The following XKR6 variants were observed in gnomAD, a reference collection of about 807,000 sequenced individuals.
The protein encoded by XKR6 is XK-related protein 6.
In XKR6, 22 loss-of-function variants were observed where a neutral mutation model predicts 56.7. The ratio of observed to expected loss-of-function variants is 0.39; its 90% CI spans 0.28 to 0.55. The LOEUF (loss-of-function observed/expected upper bound fraction) is 0.55. Ranked by LOEUF, XKR6 falls within the 20% of genes least tolerant of loss-of-function variation. The probability of loss-of-function intolerance (pLI) is 0.66; values close to 1 mark genes in which losing one functional copy is unlikely to be tolerated. For missense variants in XKR6, 852 were observed against 889.0 expected (o/e 0.96, Z 0.53); for synonymous variants, 524 against 387.8 (o/e 1.35, Z -4.13).
intron 1 of XKR6, among the ~76,000 whole-genome samples, chr8:10,960,913 A>G (rs1366023855): frequency 1.3e-5 from 2 of 152,174 alleles, no homozygotes; most frequent in African/African-American, 4.8e-5. Flanking sequence ...GTAAACAAAC[A>G]ATAAGAGCCA....
At chr8:11,140,198 C>T (rs1159454550) in intron 1 of XKR6, among the ~76,000 whole-genome samples, 1 of 150,992 alleles carries the variant, frequency 6.6e-6, no homozygotes, top group Non-Finnish European at 1.5e-5. Context: ...CAAAGAATAC[C>T]TGAAACAGAT....
chr8:11,190,335 C>T (rs1310345136), intron 1 of XKR6, among the ~76,000 whole-genome samples: 3 of 152,002 alleles, frequency 2.0e-5, no homozygotes, highest in Non-Finnish European at 4.4e-5. Flanking sequence ...GATACAACTG[C>T]TGTTCTCAAT....
chr8:11,191,390 C>T lies in XKR6; in HGVS notation c.764+9186G>A, dbSNP rs113980323. 1.3e-3 allele frequency among the ~76,000 whole-genome samples: 196 copies of T among 152,208 alleles called. 1 individual carries two copies. The highest frequency in any genetic ancestry group is 3.7e-3 in the African/African-American group (154 of 41,524). On this transcript the variant is annotated intron_variant, in intron 1 of 2. Coordinates refer to ENST00000416569, the MANE Select transcript of XKR6 (RefSeq NM_173683.4). ...ACATATGACCCCACAAGTTACCTAC[C>T]GATTGCCAAGGGAAAAACTACCTTT... is the stretch of plus-strand genomic sequence containing the variant.
chr8:11,011,694 GA>G (rs1798503198), intron 1 of XKR6, among the ~76,000 whole-genome samples: 1 of 152,216 alleles, frequency 6.6e-6, no homozygotes. Flanking sequence ...AATGCCTGGG[GA>G]CAGAGGCTGC....
intron 1 of XKR6, among the ~76,000 whole-genome samples, chr8:10,945,850 G>A (rs578236139): frequency 2.6e-5 from 4 of 152,120 alleles, no homozygotes; most frequent in Non-Finnish European, 5.9e-5. Context: ...GGTGTGCAGA[G>A]CAGCTCATGG....
At chr8:11,054,980 T>C (rs1042260272) in intron 1 of XKR6, among the ~76,000 whole-genome samples, 2 of 152,128 alleles carry the variant, frequency 1.3e-5, no homozygotes, top group African/African-American at 4.8e-5. Flanking sequence ...AGGAGGGGAA[T>C]GTCAAAACAC....
At position 10,897,668 on chromosome 8, in the gene XKR6, C is replaced by G. The variant is rs957368346; in HGVS notation, c.*284G>C. 3 of 297,208 alleles carry G rather than the reference C, an allele frequency of 1.0e-5. No homozygotes were observed. The highest frequency in any genetic ancestry group is 1.2e-5 in the Non-Finnish European group (2 of 161,742). The allele number at this position is 297,208 out of a possible 1,614,324, so 18.4% of individuals were successfully genotyped here. ...AACCATAGCGTGGGATTTTTCAATA[C>G]TGTTTCTTATGTGTAAAAAACAAAA... On this transcript the variant is annotated 3_prime_UTR_variant, in exon 3 of 3. Coordinates refer to ENST00000416569, the MANE Select transcript of XKR6 (RefSeq NM_173683.4).
chr8:11,053,171 C>T (rs1799598632), intron 1 of XKR6, among the ~76,000 whole-genome samples: 1 of 152,234 alleles, frequency 6.6e-6, no homozygotes. Context: ...CCGCTATAGG[C>T]TGCCATGTGC....
intron 1 of XKR6, among the ~76,000 whole-genome samples, chr8:11,190,419 C>T (rs2117125502): frequency 6.6e-6 from 1 of 152,290 alleles, no homozygotes; most frequent in Middle Eastern, 3.4e-3. Flanking sequence ...GTATGCCAAA[C>T]CTACATATTC....
chr8:11,086,148 A>ATATATATATATATATATATATATATAT (rs71203369), intron 1 of XKR6, among the ~76,000 whole-genome samples: 1 of 120,722 alleles, frequency 8.3e-6, no homozygotes, highest in African/African-American at 3.9e-5. Context: ...ATATATATAT[A>ATATATATATATATATATATATATATAT]TTTTTTTTTA....
chr8:10,990,243 C>T (rs751271599), intron 1 of XKR6, among the ~76,000 whole-genome samples: 53 of 152,184 alleles, frequency 3.5e-4, no homozygotes, highest in Non-Finnish European at 6.6e-4. Context: ...GCGTCTCTAT[C>T]CAGGAGCTCT....
chr8:11,194,292 T>C (rs1408467467), intron 1 of XKR6: 1 of 152,222 alleles, frequency 6.6e-6, no homozygotes, highest in African/African-American at 2.4e-5. Context: ...CCAGTGGTTG[T>C]TTGTAACTTG....
intron 1 of XKR6, among the ~76,000 whole-genome samples, chr8:10,948,761 C>A (rs1801627092): frequency 6.6e-6 from 1 of 152,210 alleles, no homozygotes; most frequent in South Asian, 2.1e-4. Flanking sequence ...GCTTATCAAG[C>A]CCTCCTTGTA....
chr8:11,011,311 G>C (rs1407657380), intron 1 of XKR6, among the ~76,000 whole-genome samples: 2 of 152,186 alleles, frequency 1.3e-5, no homozygotes, highest in Admixed American at 6.5e-5. Flanking sequence ...GCCCTTCTTG[G>C]GGTGGCCAGC....
intron 1 of XKR6, among the ~76,000 whole-genome samples, chr8:11,136,165 G>A (rs1257643614): frequency 1.3e-5 from 2 of 152,196 alleles, no homozygotes; most frequent in East Asian, 3.8e-4. Context: ...GGGACTTTAC[G>A]TATAGGACTT....
At chr8:11,188,244 A>G (rs940296649) in intron 1 of XKR6, among the ~76,000 whole-genome samples, 4 of 152,200 alleles carry the variant, frequency 2.6e-5, no homozygotes, top group African/African-American at 9.6e-5. Context: ...ATTTAATCAT[A>G]AAGGCCTGCT....
At chr8:11,040,213 C>G (rs953827982) in intron 1 of XKR6, among the ~76,000 whole-genome samples, 1 of 151,988 alleles carries the variant, frequency 6.6e-6, no homozygotes. Flanking sequence ...CCTTCCTGCC[C>G]AAGGCTCCGG....
chr8:11,045,028 A>G (rs1209831331), intron 1 of XKR6, among the ~76,000 whole-genome samples: 1 of 143,462 alleles, frequency 7.0e-6, no homozygotes, highest in Non-Finnish European at 1.5e-5. Flanking sequence ...TACTTGTAAC[A>G]TTCCCTTATT....
chr8:10,934,945 T>C (rs1234640232), intron 1 of XKR6, among the ~76,000 whole-genome samples: 1 of 106,940 alleles, frequency 9.4e-6, no homozygotes, highest in Non-Finnish European at 2.0e-5. Flanking sequence ...CCTCTTTTTC[T>C]ATTGATTGGA....
Sources: gnomAD v4.1 joint callset for allele counts (sites outside exome capture counted in the v4.1 genomes callset) on GRCh38, gnomAD v4.1.1 for gene constraint, MANE v1.5 for transcripts, NCBI Gene and HGNC (gene_info 2026-07-23, HGNC 2026-07-21) for gene names.